NDUFA12: variants seen among roughly 807,000 people sequenced by gnomAD.
NDUFA12 encodes NADH:ubiquinone oxidoreductase subunit A12.
NDUFA12 carries 17 observed loss-of-function variants against 20.3 expected under a neutral mutation model. The observed-to-expected ratio is 0.84, with a 90% CI of 0.57 to 1.26. The LOEUF (loss-of-function observed/expected upper bound fraction) is 1.26. Ranked by LOEUF, NDUFA12 falls within the 50% of genes most tolerant of loss-of-function variation. The pLI, the probability that NDUFA12 is intolerant of heterozygous loss-of-function variation, is 0.00. For synonymous variants in NDUFA12, 72 were observed against 63.6 expected, an observed-to-expected ratio of 1.13 and a Z score of -0.63; for missense variants, 191 against 183.7, an observed-to-expected ratio of 1.04 and a Z score of -0.23.
At chr12:94,974,721 C>T (rs768994357) in intron 3 of NDUFA12, among the ~76,000 whole-genome samples, 6 of 152,238 alleles carry the variant, frequency 3.9e-5, no homozygotes, top group Non-Finnish European at 7.4e-5. Flanking sequence ...GAGATCATTA[C>T]GTTAAGTGAA....
intron 2 of NDUFA12, among the ~76,000 whole-genome samples, chr12:94,996,321 A>C (rs1237037157): frequency 1.1e-5 from 1 of 89,450 alleles, no homozygotes; most frequent in Non-Finnish European, 2.0e-5. Context: ...ATACATATAT[A>C]GGTACACACA....
chr12:94,975,451 GA>G (rs1229277587), intron 3 of NDUFA12, among the ~76,000 whole-genome samples: 2 of 152,110 alleles, frequency 1.3e-5, no homozygotes, highest in African/African-American at 4.8e-5. Context: ...CAGAATCAGT[GA>G]ACTTAAAGAG....
At chr12:94,983,253 C>A (rs1338290842) in intron 3 of NDUFA12, among the ~76,000 whole-genome samples, 1 of 152,230 alleles carries the variant, frequency 6.6e-6, no homozygotes, top group Non-Finnish European at 1.5e-5. Flanking sequence ...CCAACGATCA[C>A]TGCCTCCTGG....
At chr12:94,988,933 G>A (rs908642410) in intron 3 of NDUFA12, among the ~76,000 whole-genome samples, 1 of 152,086 alleles carries the variant, frequency 6.6e-6, no homozygotes, top group African/African-American at 2.4e-5. Flanking sequence ...TACATGATTT[G>A]GGCCCTAGCT....
rs527298729 is a variant in NDUFA12, at chr12:94,983,885, C to T, written c.257+10285G>A. Among the ~76,000 whole-genome samples the T allele has an allele frequency of 3.7e-4, 13 of 34,940 alleles. No individual in the cohort carries two copies. The South Asian group carries it at 0.013, about 36-fold the overall frequency. The allele number at this position is 34,940 out of a possible 152,430, so 22.9% of individuals were successfully genotyped here. A position where few individuals can be genotyped will look rare whatever the true frequency, so the allele number is the denominator to read the frequency against. On this transcript the variant is annotated intron_variant, in intron 3 of 3. Coordinates refer to ENST00000327772, the MANE Select transcript of NDUFA12 (RefSeq NM_018838.5). ...GAGTGCAAAAGTCATTAAGTGGGCC[C>T]GAGGAATGTAGCACTTGGTATGTGA...
intron 3 of NDUFA12, among the ~76,000 whole-genome samples, chr12:94,988,427 G>T (rs964535614): frequency 1.3e-5 from 2 of 152,080 alleles, no homozygotes; most frequent in African/African-American, 4.8e-5. Context: ...GAAAGTTCGG[G>T]ATTATTCCAA....
chr12:94,973,777 A>G (rs1873966888), intron 3 of NDUFA12, among the ~76,000 whole-genome samples: 1 of 152,198 alleles, frequency 6.6e-6, no homozygotes, highest in Admixed American at 6.5e-5. Context: ...TGCAAGAATC[A>G]GGGAATTAAT....
chr12:94,976,166 T>C (rs1027603419), intron 3 of NDUFA12, among the ~76,000 whole-genome samples: 1 of 152,230 alleles, frequency 6.6e-6, no homozygotes, highest in Admixed American at 6.5e-5. Context: ...GGCACTAATC[T>C]ATACACTTTA....
rs911569018 is a variant in NDUFA12 at position 94,974,823 on chromosome 12, T to C, written c.258-3203A>G. Reference sequence around the variant, plus strand: ...CAATTGCACTCATGGAGATAGAGAGTAGAAGAATGATTACCAGAGGCTGGG... The same window carrying C: ...CAATTGCACTCATGGAGATAGAGAGCAGAAGAATGATTACCAGAGGCTGGG... On this transcript the variant is annotated intron_variant, in intron 3 of 3. Transcript: ENST00000327772. 1.1e-4 allele frequency among the ~76,000 whole-genome samples: 16 copies of C among 150,528 alleles called. 2 individuals carry two copies. Among genetic ancestry groups the C allele is most frequent in the Admixed American group, 3.3e-4 (5 of 15,072 alleles).
chr12:94,989,336 T>A (rs970105929), intron 3 of NDUFA12, among the ~76,000 whole-genome samples: 1 of 152,010 alleles, frequency 6.6e-6, no homozygotes, highest in Non-Finnish European at 1.5e-5. Context: ...TGGTAGGTAC[T>A]AAATAGTTAT....
At chr12:94,971,734 C>CCGAT in intron 3 of NDUFA12, 114 bp from the exon 4 acceptor site, 1 of 1,120,084 alleles carries the variant, frequency 8.9e-7, no homozygotes, top group Non-Finnish European at 1.4e-6. Context: ...AGCCTCAACT[C>CCGAT]CATCAGTTAC....
intron 1 of NDUFA12, 46 bp downstream of exon 1, chr12:95,003,549 C>G: frequency 6.3e-7 from 1 of 1,594,248 alleles, no homozygotes; most frequent in Non-Finnish European, 8.6e-7. Flanking sequence ...AATCAGCCAG[C>G]GAAAGTCCAG....
chr12:94,975,712 T>A (rs1008957854), intron 3 of NDUFA12, among the ~76,000 whole-genome samples: 1 of 152,180 alleles, frequency 6.6e-6, no homozygotes, highest in African/African-American at 2.4e-5. Flanking sequence ...TCATGGCATA[T>A]CCATATGATG....
chr12:94,975,481 T>TA (rs1874037459), intron 3 of NDUFA12, among the ~76,000 whole-genome samples: 2 of 152,350 alleles, frequency 1.3e-5, no homozygotes, highest in South Asian at 4.1e-4. Flanking sequence ...ACTCATATAC[T>TA]ATTCAATATA....
rs577732433 is a variant in NDUFA12 at position 94,987,192 on chromosome 12, A to C, written c.257+6978T>G. 1.1e-4 allele frequency among the ~76,000 whole-genome samples: 16 copies of C among 152,340 alleles called. No homozygotes were observed. In the East Asian group the frequency reaches 1.9e-3, roughly 18 times the overall value. Reference sequence around the variant, plus strand: ...AGAAAAACATGGCTTCAGTGACAGGAATGTCACAGAAGCATAGCCTGAACC... The same window carrying C: ...AGAAAAACATGGCTTCAGTGACAGGCATGTCACAGAAGCATAGCCTGAACC... On this transcript the variant is annotated intron_variant, in intron 3 of 3. Coordinates refer to ENST00000327772, the MANE Select transcript of NDUFA12 (RefSeq NM_018838.5).
chr12:94,987,236 C>T (rs915647223), intron 3 of NDUFA12, among the ~76,000 whole-genome samples: 2 of 152,128 alleles, frequency 1.3e-5, no homozygotes, highest in Admixed American at 1.3e-4. Context: ...AGGAAACATT[C>T]AACAAACTCA....
chr12:94,997,212 CACAT>C (rs1874863871), intron 2 of NDUFA12: 1 of 158,098 alleles, frequency 6.3e-6, no homozygotes, highest in African/African-American at 2.5e-5. Context: ...CACACGCACA[CACAT>C]AGAGTACATA....
intron 3 of NDUFA12, among the ~76,000 whole-genome samples, chr12:94,989,968 G>C (rs1226162203): frequency 6.6e-6 from 1 of 151,974 alleles, no homozygotes; most frequent in Non-Finnish European, 1.5e-5. Flanking sequence ...TTCCACCCAA[G>C]AAACAATCTC....
chr12:94,972,028 T>TA, intron 3 of NDUFA12, among the ~76,000 whole-genome samples: 1 of 152,268 alleles, frequency 6.6e-6, no homozygotes, highest in South Asian at 2.1e-4. Flanking sequence ...GCTCATGTGA[T>TA]ACTCCTACCT....
Sources: gnomAD v4.1 joint callset for allele counts (sites outside exome capture counted in the v4.1 genomes callset) on GRCh38, gnomAD v4.1.1 for gene constraint, MANE v1.5 for transcripts, NCBI Gene and HGNC (gene_info 2026-07-23, HGNC 2026-07-21) for gene names.